Variants in ADARB2 observed in about 807,000 individuals in gnomAD.
ADARB2 encodes inactive double-stranded RNA-specific editase B2.
In ADARB2, 25 loss-of-function variants were observed where a neutral mutation model predicts 62.2. The observed-to-expected ratio is 0.40, with a 90% CI of 0.29 to 0.56. The LOEUF (loss-of-function observed/expected upper bound fraction) is 0.56. Among genes scored for constraint, ADARB2 ranks in the 20% least tolerant of loss-of-function variants. The pLI is 0.43. For synonymous variants in ADARB2, 572 were observed against 500.8 expected (o/e 1.14, Z -1.90); for missense variants, 1,071 against 1,077.4 (o/e 0.99, Z 0.08).
At chr10:1,198,099 G>A (rs894953690) in intron 8 of ADARB2, among the ~76,000 whole-genome samples, 12 of 152,212 alleles carry the variant, frequency 7.9e-5, no homozygotes, top group African/African-American at 2.9e-4. Flanking sequence ...TGGGCTTCTG[G>A]TCCTGAAGTT....
Position 1,571,003 on chromosome 10 carries a change from C to G in ADARB2, c.100+166048G>C, listed in dbSNP as rs558044337. 5.3e-5 allele frequency among the ~76,000 whole-genome samples: 8 copies of G among 152,276 alleles called. No homozygotes were observed. In the East Asian group the frequency reaches 1.5e-3, roughly 29 times the overall value. On this transcript the variant is annotated intron_variant, in intron 1 of 9. Transcript: ENST00000381312. The stretch of plus-strand genomic sequence containing the variant: ...AGGGTCTCCTGCCTCCCAGACAAAA[C>G]CTGTCATTGGGTCTTCCAGTTTCAT...
chr10:1,447,914 C>CT (rs2131899710), intron 1 of ADARB2, among the ~76,000 whole-genome samples: 1 of 152,232 alleles, frequency 6.6e-6, no homozygotes, highest in South Asian at 2.1e-4. Flanking sequence ...TGATCTTGTT[C>CT]TTTTTTATAG....
intron 6 of ADARB2, among the ~76,000 whole-genome samples, chr10:1,221,000 G>A (rs1359428243): frequency 6.6e-6 from 1 of 152,194 alleles, no homozygotes; most frequent in Admixed American, 6.5e-5. Context: ...TCCCTGATGA[G>A]TTTGAGCAGC....
intron 1 of ADARB2, among the ~76,000 whole-genome samples, chr10:1,543,492 T>C (rs987071543): frequency 1.3e-5 from 2 of 152,202 alleles, no homozygotes; most frequent in Admixed American, 6.5e-5. Flanking sequence ...TCCAGCTTAA[T>C]TGAAGGACAA....
intron 3 of ADARB2, among the ~76,000 whole-genome samples, chr10:1,335,688 G>A (rs968880033): frequency 3.9e-5 from 6 of 152,282 alleles, no homozygotes; most frequent in African/African-American, 1.4e-4. Flanking sequence ...GGAACATTTT[G>A]ACATGTCTTA....
rs1831183921 is a variant in ADARB2, at chr10:1,462,239, C to T, written c.101-83079G>A. 5.9e-5 allele frequency among the ~76,000 whole-genome samples: 9 copies of T among 152,274 alleles called. No homozygotes were observed. The South Asian group carries it at 1.9e-3, about 32-fold the overall frequency. ...CGGCCACAGCTCAGGGCTCTGCCAG[C>T]TCCACTGTTGAAGCCCTTATGTCAC... On this transcript the variant is annotated intron_variant, in intron 1 of 9. Coordinates refer to ENST00000381312, the MANE Select transcript of ADARB2 (RefSeq NM_018702.4).
intron 1 of ADARB2, among the ~76,000 whole-genome samples, chr10:1,439,152 C>CT: frequency 8.5e-6 from 1 of 117,768 alleles, no homozygotes; most frequent in South Asian, 3.1e-4. Flanking sequence ...TGGAGGCAGG[C>CT]CCTTCACGAT....
chr10:1,429,171 T>C (rs1341565442), intron 1 of ADARB2, among the ~76,000 whole-genome samples: 1 of 152,242 alleles, frequency 6.6e-6, no homozygotes, highest in Non-Finnish European at 1.5e-5. Flanking sequence ...ACTTCTGTAA[T>C]GCCTCTTACA....
chr10:1,618,062 C>T (rs7919703), intron 1 of ADARB2, among the ~76,000 whole-genome samples: 109,443 of 152,090 alleles, frequency 0.72, 39,597 homozygotes, highest in African/African-American at 0.81. Flanking sequence ...ACCTTTAAGA[C>T]GACTTCCTTT....
intron 1 of ADARB2, among the ~76,000 whole-genome samples, chr10:1,458,277 T>A (rs1300873410): frequency 6.6e-6 from 1 of 152,160 alleles, no homozygotes; most frequent in Non-Finnish European, 1.5e-5. Context: ...AAATAGGATC[T>A]TCTGAAGCTT....
chr10:1,213,638 C>G (rs1837191322), intron 7 of ADARB2, among the ~76,000 whole-genome samples: 1 of 152,240 alleles, frequency 6.6e-6, no homozygotes, highest in Non-Finnish European at 1.5e-5. Flanking sequence ...GGAATTCTCA[C>G]TCTAGCTGCC....
intron 6 of ADARB2, among the ~76,000 whole-genome samples, chr10:1,217,577 G>A (rs34774499): frequency 0.18 from 27,497 of 152,242 alleles, 3,261 homozygotes; most frequent in Non-Finnish European, 0.26. Context: ...ATGCTTAGCT[G>A]GAGGGCTGTG....
chr10:1,291,151 A>G (rs1261734763), intron 3 of ADARB2: 1 of 152,240 alleles, frequency 6.6e-6, no homozygotes, highest in African/African-American at 2.4e-5. Flanking sequence ...TGTTAAATTC[A>G]AGAAAAGCCT....
intron 1 of ADARB2, among the ~76,000 whole-genome samples, chr10:1,491,580 C>A (rs1831622520): frequency 6.6e-6 from 1 of 152,162 alleles, no homozygotes; most frequent in African/African-American, 2.4e-5. Context: ...AAAACCAACA[C>A]ACACTGTTTT....
rs79610055 is a variant in ADARB2 at position 1,412,368 on chromosome 10, T to G, written c.101-33208A>C. 2.0e-5 allele frequency among the ~76,000 whole-genome samples: 3 copies of G among 151,472 alleles called. No homozygotes were observed. The East Asian group carries it at 5.8e-4, about 29-fold the overall frequency. Reference sequence around the variant, plus strand: ...CTGAACAGTTGATTAAAAGATGTGTTTTTTTTTTGAACAAATAATTTAAAA... The same window carrying G: ...CTGAACAGTTGATTAAAAGATGTGTGTTTTTTTTGAACAAATAATTTAAAA... On this transcript the variant is annotated intron_variant, in intron 1 of 9. Coordinates refer to ENST00000381312, the MANE Select transcript of ADARB2 (RefSeq NM_018702.4).
At chr10:1,458,025 T>C (rs555170461) in intron 1 of ADARB2, among the ~76,000 whole-genome samples, 2 of 151,212 alleles carry the variant, frequency 1.3e-5, no homozygotes, top group Admixed American at 1.3e-4. Flanking sequence ...CTTTCCCCTT[T>C]AAATATCGAA....
chr10:1,465,575 C>T (rs1831244037), intron 1 of ADARB2, among the ~76,000 whole-genome samples: 1 of 152,232 alleles, frequency 6.6e-6, no homozygotes, highest in African/African-American at 2.4e-5. Flanking sequence ...AGCAAAGCTG[C>T]CTCTGGCAGG....
At chr10:1,211,362 CATCT>C (rs1329063044) in intron 7 of ADARB2, among the ~76,000 whole-genome samples, 2 of 152,056 alleles carry the variant, frequency 1.3e-5, no homozygotes, top group Non-Finnish European at 2.9e-5. Context: ...TGTGCTGTAT[CATCT>C]ATCTGTCATC....
At chr10:1,208,913 G>A (rs573101436) in intron 7 of ADARB2, among the ~76,000 whole-genome samples, 67 of 152,306 alleles carry the variant, frequency 4.4e-4, no homozygotes, top group African/African-American at 1.5e-3. Context: ...TGGGGCGCCC[G>A]GAGCCTGATG....
Sources: gnomAD v4.1 joint callset for allele counts (sites outside exome capture counted in the v4.1 genomes callset) on GRCh38, gnomAD v4.1.1 for gene constraint, MANE v1.5 for transcripts, NCBI Gene and HGNC (gene_info 2026-07-23, HGNC 2026-07-21) for gene names.